Variants in SLC35F4 observed in about 807,000 individuals in gnomAD.
SLC35F4 encodes the protein chromosome 14 open reading frame 36.
Under a neutral mutation model 44.2 loss-of-function variants are expected in SLC35F4, and 24 were observed. The observed-to-expected ratio is 0.54, with a 90% CI of 0.39 to 0.76. The LOEUF is 0.76. Among genes scored for constraint, SLC35F4 ranks in the 30% least tolerant of loss-of-function variants. SLC35F4 has a pLI of 0.00. For missense variants in SLC35F4, 562 were observed against 586.1 expected (o/e 0.96, Z 0.42); for synonymous variants, 238 against 223.6 (o/e 1.06, Z -0.57).
intron 3 of SLC35F4, among the ~76,000 whole-genome samples, chr14:57,582,896 AG>A (rs2069396572): frequency 6.6e-6 from 1 of 152,198 alleles, no homozygotes; most frequent in Admixed American, 6.5e-5. Context: ...AGGCACAGGG[AG>A]TATAGCCTTA....
chr14:57,861,422 T>C (rs1478295552), intron 1 of SLC35F4, among the ~76,000 whole-genome samples: 2 of 152,212 alleles, frequency 1.3e-5, no homozygotes, highest in Non-Finnish European at 2.9e-5. Flanking sequence ...TATTGAATCA[T>C]TCTCATTTGC....
chr14:57,694,505 A>G (rs2075324960), intron 1 of SLC35F4, among the ~76,000 whole-genome samples: 1 of 152,110 alleles, frequency 6.6e-6, no homozygotes. Context: ...CCCTTGTATG[A>G]CTATATCACA....
At chr14:57,654,839 A>T (rs2073908509) in intron 1 of SLC35F4, among the ~76,000 whole-genome samples, 1 of 152,216 alleles carries the variant, frequency 6.6e-6, no homozygotes, top group Admixed American at 6.5e-5. Flanking sequence ...CAACATGAAC[A>T]TTGGGGGACA....
At chr14:57,703,211 T>C (rs1401811830) in intron 1 of SLC35F4, among the ~76,000 whole-genome samples, 1 of 152,146 alleles carries the variant, frequency 6.6e-6, no homozygotes, top group Non-Finnish European at 1.5e-5. Context: ...GGTAGTGAGA[T>C]AGAGCAAATG....
intron 1 of SLC35F4, among the ~76,000 whole-genome samples, chr14:57,750,209 T>C (rs1243931948): frequency 6.6e-6 from 1 of 152,196 alleles, no homozygotes; most frequent in Non-Finnish European, 1.5e-5. Context: ...TTGCTGCAAA[T>C]GACAGGATTT....
At chr14:57,798,080 C>G (rs1477793021) in intron 1 of SLC35F4, among the ~76,000 whole-genome samples, 8 of 130,882 alleles carry the variant, frequency 6.1e-5, no homozygotes, top group Admixed American at 3.5e-4. Context: ...CCAAGACCAG[C>G]TGAGCCTAGG....
At chr14:57,937,261 T>C (rs1047247248) in intron 1 of SLC35F4, among the ~76,000 whole-genome samples, 11 of 151,766 alleles carry the variant, frequency 7.2e-5, no homozygotes, top group African/African-American at 2.7e-4. Flanking sequence ...AGAGACGGGG[T>C]TTCTCAATGT....
chr14:57,943,135 TG>T (rs2141074075), intron 1 of SLC35F4, among the ~76,000 whole-genome samples: 1 of 152,350 alleles, frequency 6.6e-6, no homozygotes, highest in African/African-American at 2.4e-5. Flanking sequence ...TGAAGAGATC[TG>T]GGCCGTATTA....
At chr14:57,648,763 C>T (rs1409726298) in intron 1 of SLC35F4, among the ~76,000 whole-genome samples, 2 of 152,216 alleles carry the variant, frequency 1.3e-5, no homozygotes, top group African/African-American at 4.8e-5. Context: ...TCTTCAGCAA[C>T]ACCCTGCATG....
At chr14:57,670,543 G>A (rs930389411) in intron 1 of SLC35F4, among the ~76,000 whole-genome samples, 5 of 151,780 alleles carry the variant, frequency 3.3e-5, no homozygotes, top group East Asian at 3.9e-4. Context: ...CTTTGTTCTC[G>A]TTGGTTTCAA....
At chr14:57,657,900 T>C (rs2074017990) in intron 1 of SLC35F4, among the ~76,000 whole-genome samples, 1 of 152,218 alleles carries the variant, frequency 6.6e-6, no homozygotes, top group African/African-American at 2.4e-5. Context: ...TGGTATAAAG[T>C]TGGTAAGTTA....
intron 1 of SLC35F4, among the ~76,000 whole-genome samples, chr14:57,934,161 C>T (rs890274553): frequency 6.6e-6 from 1 of 151,666 alleles, no homozygotes; most frequent in Non-Finnish European, 1.5e-5. Context: ...AACTAATCTT[C>T]ACGGAAAATT....
intron 1 of SLC35F4, among the ~76,000 whole-genome samples, chr14:57,752,046 C>T (rs17093641): frequency 0.18 from 27,931 of 151,874 alleles, 2,875 homozygotes; most frequent in South Asian, 0.27. Flanking sequence ...CTTCCTTTTC[C>T]AGGCTCCCAG....
At chr14:57,630,728 A>G in intron 1 of SLC35F4, 1 of 529,582 alleles carries the variant, frequency 1.9e-6, no homozygotes, top group Middle Eastern at 4.1e-4. Flanking sequence ...TGTGTCATTC[A>G]CTTATTCATA....
chr14:57,620,579 GA>G (rs908576946), intron 1 of SLC35F4, among the ~76,000 whole-genome samples: 6 of 152,156 alleles, frequency 3.9e-5, no homozygotes, highest in African/African-American at 1.4e-4. Context: ...CCAGCCACTG[GA>G]AAAAAACACC....
chr14:57,891,422 T>G (rs1013311110), intron 1 of SLC35F4, among the ~76,000 whole-genome samples: 5 of 152,224 alleles, frequency 3.3e-5, no homozygotes, highest in Admixed American at 3.3e-4. Context: ...GAGGCAAGAT[T>G]GCTTGGGCCC....
At chr14:57,908,470 C>A (rs1193329507) in intron 1 of SLC35F4, among the ~76,000 whole-genome samples, 4 of 152,058 alleles carry the variant, frequency 2.6e-5, no homozygotes, top group Non-Finnish European at 2.9e-5. Context: ...TCTTGACTTT[C>A]TAATAATCAC....
chr14:57,597,374 A>G (rs1225956601), intron 1 of SLC35F4, among the ~76,000 whole-genome samples: 1 of 152,222 alleles, frequency 6.6e-6, no homozygotes, highest in African/African-American at 2.4e-5. Context: ...GAAGGAGAAT[A>G]TGATTTCTTC....
intron 1 of SLC35F4, among the ~76,000 whole-genome samples, chr14:57,831,618 T>C (rs1260829471): frequency 2.0e-5 from 3 of 152,174 alleles, no homozygotes; most frequent in African/African-American, 7.2e-5. Flanking sequence ...GTTATTGTTT[T>C]CTGTGGAATT....
Sources: allele counts gnomAD v4.1 joint callset (sites outside exome capture counted in the v4.1 genomes callset), GRCh38; gene constraint gnomAD v4.1.1; transcripts MANE v1.5; gene names NCBI Gene and HGNC (gene_info 2026-07-23, HGNC 2026-07-21).